Variants in RHOD observed in about 807,000 individuals in gnomAD.
RHOD encodes ras homolog family member D.
Under a neutral mutation model 16.7 loss-of-function variants are expected in RHOD, and 11 were observed. The ratio of observed to expected loss-of-function variants is 0.66; its 90% CI spans 0.41 to 1.09. The LOEUF is 1.09. Ranked by LOEUF, RHOD falls within the 50% of genes least tolerant of loss-of-function variation. The pLI, the probability that RHOD is intolerant of heterozygous loss-of-function variation, is 0.00. For synonymous variants in RHOD, 124 were observed against 126.3 expected, an observed-to-expected ratio of 0.98 and a Z score of 0.12; for missense variants, 271 against 291.7, an observed-to-expected ratio of 0.93 and a Z score of 0.52.
At chr11:67,060,989 T>C (rs568119663) in intron 1 of RHOD, among the ~76,000 whole-genome samples, 7 of 152,346 alleles carry the variant, frequency 4.6e-5, no homozygotes, top group African/African-American at 1.7e-4. Context: ...GGTGTATTAG[T>C]CCATTTTCAC....
chr11:67,061,755 A>AATAT (rs1264429454), intron 1 of RHOD, among the ~76,000 whole-genome samples: 119 of 127,234 alleles, frequency 9.4e-4, no homozygotes, highest in African/African-American at 3.0e-3. Context: ...AAAAAAAAAA[A>AATAT]ATATATATAT....
intron 1 of RHOD, among the ~76,000 whole-genome samples, chr11:67,063,092 C>T (rs539070357): frequency 7.9e-5 from 12 of 151,990 alleles, no homozygotes; most frequent in African/African-American, 2.9e-4. Context: ...AGAAGAAAGG[C>T]CCAAACATGG....
Position 67,065,980 on chromosome 11 carries a change from G to A in RHOD, c.217G>A (p.Ala73Thr). The A allele has an allele frequency of 6.4e-7, 1 of 1,566,368 alleles. No individual in the cohort carries two copies. The highest frequency in any genetic ancestry group is 8.8e-7 in the Non-Finnish European group (1 of 1,139,102). The stretch of plus-strand genomic sequence containing the variant: ...TGTGCACCTCCACATCTGGGACACA[G>A]CAGGTGGGTGTGCAGGGGTGGGGCA... ...KPVHLHIWDT[A>T]GQDDYDRLRP... The change falls in exon 2 of 5, where the codon GCA becomes ACA. Residue 73 changes from alanine (A) to threonine (T), a missense_variant. Coordinates refer to ENST00000308831, the MANE Select transcript of RHOD (RefSeq NM_014578.4).
At chr11:67,062,074 G>A (rs1388746848) in intron 1 of RHOD, among the ~76,000 whole-genome samples, 1 of 151,964 alleles carries the variant, frequency 6.6e-6, no homozygotes, top group Non-Finnish European at 1.5e-5. Flanking sequence ...TCCTTCCCTC[G>A]ACACGTGGGG....
chr11:67,065,054 CT>C (rs1403386655), intron 1 of RHOD, among the ~76,000 whole-genome samples: 1 of 151,408 alleles, frequency 6.6e-6, no homozygotes, highest in Non-Finnish European at 1.5e-5. Flanking sequence ...TCACTGAATC[CT>C]TGTAGCGGCA....
intron 4 of RHOD, among the ~76,000 whole-genome samples, chr11:67,071,155 T>C (rs1354209855): frequency 1.3e-5 from 2 of 152,034 alleles, no homozygotes; most frequent in Non-Finnish European, 2.9e-5. Context: ...GAGAATCACT[T>C]GAACCCGGTT....
chr11:67,056,984 T>C lies in RHOD; in HGVS notation c.82T>C (p.Cys28Arg). ...VKVVLVGDGG[C>R]GKTSLLMVFA... is the part of the protein sequence containing the mutation. ...GGTGGTCCTGGTGGGCGACGGCGGC[T>C]GCGGGAAGACGTCGCTGCTGATGGT... The change falls in exon 1 of 5, where the codon TGC becomes CGC. Residue 28 changes from cysteine to arginine, a missense_variant. Coordinates refer to ENST00000308831, the MANE Select transcript of RHOD (RefSeq NM_014578.4). The C allele has an allele frequency of 2.0e-6, 3 of 1,510,514 alleles. No individual in the cohort carries two copies. Among genetic ancestry groups the C allele is most frequent in the Non-Finnish European group, 2.6e-6 (3 of 1,139,220 alleles). The allele number at this position is 1,510,514 out of a possible 1,614,324, so 93.6% of individuals were successfully genotyped here. A position where few individuals can be genotyped will look rare whatever the true frequency, so the allele number is the denominator to read the frequency against.
intron 1 of RHOD, among the ~76,000 whole-genome samples, chr11:67,057,803 G>T (rs932027931): frequency 2.0e-5 from 3 of 152,222 alleles, no homozygotes; most frequent in African/African-American, 7.2e-5. Context: ...GCCCAGGGGA[G>T]GCTGACAGGC....
intron 3 of RHOD, among the ~76,000 whole-genome samples, chr11:67,068,078 C>T (rs1362521438): frequency 4.6e-5 from 7 of 152,174 alleles, no homozygotes; most frequent in East Asian, 1.9e-4. Flanking sequence ...GGATTACAGG[C>T]GTGAGCCACC....
chr11:67,059,725 C>G (rs1854863241), intron 1 of RHOD, among the ~76,000 whole-genome samples: 1 of 152,176 alleles, frequency 6.6e-6, no homozygotes, highest in Non-Finnish European at 1.5e-5. Context: ...CCAGGTCTTC[C>G]CCCTCCCGAC....
intron 3 of RHOD, 103 bp from the exon 4 acceptor site, chr11:67,070,322 A>G (rs1855011794): frequency 4.0e-6 from 5 of 1,242,198 alleles, no homozygotes; most frequent in Non-Finnish European, 5.9e-6. Flanking sequence ...CTGATTATCC[A>G]TATCAGAGCT....
At position 67,070,521 on chromosome 11, in the gene RHOD, C is replaced by T. The variant is rs755419524; in HGVS notation, c.427C>T (p.Leu143Phe). The part of the protein sequence containing the change: ...LRKDKSLVNK[L>F]RRNGLEPVTY... Reference sequence around the variant, plus strand: ...CAAGGACAAATCACTGGTGAACAAGCTCCGAAGAAACGGATTGGAGCCTGT... The same window carrying T: ...CAAGGACAAATCACTGGTGAACAAGTTCCGAAGAAACGGATTGGAGCCTGT... Residue 143 changes from leucine (L) to phenylalanine (F), a missense_variant, in exon 4 of 5, where the codon CTC becomes TTC. By Grantham distance (22) the Leu-to-Phe change is conservative. Transcript: ENST00000308831. 1.2e-6 allele frequency: 2 copies of T among 1,614,108 alleles called. No individual in the cohort carries two copies. The highest frequency in any genetic ancestry group is 3.3e-5 in the Admixed American group (2 of 60,022).
intron 1 of RHOD, among the ~76,000 whole-genome samples, chr11:67,059,410 GC>G (rs1854858912): frequency 6.6e-6 from 1 of 152,076 alleles, no homozygotes. Context: ...GGGCATAGTG[GC>G]AGGCGCCTGT....
In RHOD at chr11:67,071,441, G is replaced by A. The variant is rs1590674042; in HGVS notation, c.472G>A (p.Glu158Lys). Residue 158 changes from glutamate to lysine, a missense_variant, in exon 5 of 5, where the codon GAG (glutamate) becomes AAG (lysine). By Grantham distance (56) the Glu-to-Lys change is moderately conservative. Coordinates refer to ENST00000308831, the MANE Select transcript of RHOD (RefSeq NM_014578.4). ...LEPVTYHRGQ[E>K]MARSVGAVAY... ...CATCCACCTCTCCCTCTAGGGCCAG[G>A]AGATGGCGAGGTCCGTGGGCGCGGT... 1 of 1,592,080 alleles carries A rather than the reference G, an allele frequency of 6.3e-7. No homozygotes were observed. The highest frequency in any genetic ancestry group is 8.5e-7 in the Non-Finnish European group (1 of 1,170,092).
At chr11:67,060,398 T>A (rs1565350570) in intron 1 of RHOD, among the ~76,000 whole-genome samples, 1 of 152,338 alleles carries the variant, frequency 6.6e-6, no homozygotes, top group East Asian at 1.9e-4. Context: ...ATTGATCCCA[T>A]GGACAGAGGG....
chr11:67,071,548 C>T lies in RHOD; in HGVS notation c.579C>T (p.Ser193=), dbSNP rs374769239. The T allele has an allele frequency of 5.0e-6, 8 of 1,611,844 alleles. No individual in the cohort carries two copies. In the African/African-American group the frequency reaches 1.1e-4, roughly 22 times the overall value. ...AGGCCGCCGAGGTGGCCCTCAGCAG[C>T]CGCGGTCGCAACTTCTGGCGGCGGA... is the stretch of plus-strand genomic sequence containing the variant. ...FQEAAEVALS[S]RGRNFWRRIT... is the part of the protein sequence containing the mutation. The change falls in exon 5 of 5, where the codon AGC becomes AGT. Residue 193 remains serine (S), a synonymous_variant. Coordinates refer to ENST00000308831, the MANE Select transcript of RHOD (RefSeq NM_014578.4).
chr11:67,066,447 C>A (rs1337742352), intron 2 of RHOD, among the ~76,000 whole-genome samples: 2 of 152,218 alleles, frequency 1.3e-5, no homozygotes, highest in African/African-American at 4.8e-5. Context: ...AAGCTCAGGG[C>A]AAAGCTGGCT....
intron 1 of RHOD, among the ~76,000 whole-genome samples, chr11:67,064,383 T>C (rs913442412): frequency 7.5e-5 from 10 of 133,842 alleles, no homozygotes; most frequent in Non-Finnish European, 1.4e-4. Flanking sequence ...GCAGCCTGGG[T>C]GACAGAGTGA....
intron 1 of RHOD, among the ~76,000 whole-genome samples, chr11:67,063,507 T>TAA (rs1565351377): frequency 2.0e-5 from 2 of 102,020 alleles, no homozygotes; most frequent in African/African-American, 1.2e-4. Context: ...TTTTTTTTTT[T>TAA]TAAAAAAAGG....
Sources: allele counts gnomAD v4.1 joint callset (sites outside exome capture counted in the v4.1 genomes callset), GRCh38; gene constraint gnomAD v4.1.1; transcripts MANE v1.5; gene names NCBI Gene and HGNC (gene_info 2026-07-23, HGNC 2026-07-21).